Variants in PRKAR1B observed in about 807,000 individuals in gnomAD.
PRKAR1B encodes cAMP-dependent protein kinase type I-beta regulatory subunit.
In PRKAR1B, 22 loss-of-function variants were observed where a neutral mutation model predicts 46.5. The ratio of observed to expected loss-of-function variants is 0.47; its 90% CI spans 0.34 to 0.68. PRKAR1B has a LOEUF of 0.68. Ranked by LOEUF, PRKAR1B falls within the 30% of genes least tolerant of loss-of-function variation. The pLI, the probability that PRKAR1B is intolerant of heterozygous loss-of-function variation, is 0.01. For missense variants in PRKAR1B, 445 were observed against 535.6 expected (o/e 0.83, Z 1.67); for synonymous variants, 259 against 217.7 (o/e 1.19, Z -1.67).
chr7:672,367 G>C (rs1786307888), intron 4 of PRKAR1B, among the ~76,000 whole-genome samples: 1 of 151,700 alleles, frequency 6.6e-6, no homozygotes, highest in Admixed American at 6.6e-5. Context: ...GGCCAGGCTG[G>C]TCTTGAACTC....
At chr7:566,681 A>AT (rs1562523942) in intron 9 of PRKAR1B, among the ~76,000 whole-genome samples, 3 of 114,260 alleles carry the variant, frequency 2.6e-5, no homozygotes, top group South Asian at 3.1e-4. Flanking sequence ...CATCACCATC[A>AT]CCATCATCAC....
chr7:668,095 G>A (rs992488640), intron 4 of PRKAR1B, among the ~76,000 whole-genome samples: 11 of 152,172 alleles, frequency 7.2e-5, no homozygotes, highest in African/African-American at 2.7e-4. Context: ...CTTGTACGGA[G>A]GGGTCATTAG....
At chr7:588,537 ATGGTGGTGACGG>A (rs68050517) in intron 7 of PRKAR1B, among the ~76,000 whole-genome samples, 37,825 of 52,356 alleles carry the variant, frequency 0.72, 13,389 homozygotes, top group South Asian at 0.88. Context: ...GACGGTGGTG[ATGGTGGTGACGG>A]TGGTGATGGT....
chr7:713,634 C>T (rs117472036), intron 1 of PRKAR1B, among the ~76,000 whole-genome samples: 2,592 of 152,264 alleles, frequency 0.017, 40 homozygotes, highest in East Asian at 0.1. Flanking sequence ...CTCACCTGTA[C>T]ACACTCACCG....
chr7:592,898 C>T (rs939474354), intron 7 of PRKAR1B, among the ~76,000 whole-genome samples: 8 of 151,950 alleles, frequency 5.3e-5, no homozygotes, highest in African/African-American at 7.3e-5. Flanking sequence ...TAGTCAGGCG[C>T]GGTAGCACAC....
chr7:689,541 A>T (rs1387957030), intron 2 of PRKAR1B, among the ~76,000 whole-genome samples: 2 of 152,234 alleles, frequency 1.3e-5, no homozygotes, highest in African/African-American at 4.8e-5. Context: ...CCCAGGATAC[A>T]TTAAAATTGT....
intron 4 of PRKAR1B, among the ~76,000 whole-genome samples, chr7:617,071 G>A (rs1417369615): frequency 7.2e-6 from 1 of 138,092 alleles, no homozygotes; most frequent in Non-Finnish European, 1.5e-5. Flanking sequence ...CCAGCTCACT[G>A]CAACCTCCAC....
At chr7:622,739 A>C (rs1783177330) in intron 4 of PRKAR1B, among the ~76,000 whole-genome samples, 1 of 152,196 alleles carries the variant, frequency 6.6e-6, no homozygotes, top group Admixed American at 6.5e-5. Flanking sequence ...GACGGGAATG[A>C]TGAGTGAAGA....
Position 549,999 on chromosome 7 carries a change from TG to T in PRKAR1B, c.*430del. ...ATCTCCCCTGGGGGGCAGCCCCTTT[TG>T]ACACACTTGCCCACACTCAGACCTC... is the stretch of plus-strand genomic sequence containing the variant. On this transcript the variant is annotated 3_prime_UTR_variant, in exon 11 of 11. Coordinates refer to ENST00000537384, the MANE Select transcript of PRKAR1B (RefSeq NM_001164760.2). 1.2e-5 allele frequency: 2 copies of T among 169,876 alleles called. No homozygotes were observed. Among genetic ancestry groups the T allele is most frequent in the South Asian group, 1.4e-4 (1 of 7,090 alleles). The allele number at this position is 169,876 out of a possible 1,614,324, so 10.5% of individuals were successfully genotyped here.
At chr7:583,480 C>T (rs1319477489) in intron 8 of PRKAR1B, among the ~76,000 whole-genome samples, 3 of 119,036 alleles carry the variant, frequency 2.5e-5, no homozygotes, top group Non-Finnish European at 1.9e-5. Context: ...CTCACACCCA[C>T]GCACACACGT....
intron 7 of PRKAR1B, 67 bp downstream of exon 7, chr7:596,079 T>A: frequency 1.3e-6 from 2 of 1,564,886 alleles, no homozygotes; most frequent in South Asian, 2.3e-5. Context: ...TGAATAGAGC[T>A]AGGGTTCCCA....
At chr7:709,669 C>T (rs977787994) in intron 2 of PRKAR1B, among the ~76,000 whole-genome samples, 6 of 152,014 alleles carry the variant, frequency 3.9e-5, no homozygotes, top group African/African-American at 4.8e-5. Context: ...TGCACCCAGC[C>T]GTGTGTATGT....
At position 674,191 on chromosome 7, in the gene PRKAR1B, T is replaced by G. The variant is rs1786450280; in HGVS notation, c.440+3038A>C. Among the ~76,000 whole-genome samples, 6 of 151,858 alleles carry G rather than the reference T, an allele frequency of 4.0e-5. No individual in the cohort carries two copies. The South Asian group carries it at 1.2e-3, about 32-fold the overall frequency. Reference sequence around the variant, plus strand: ...GGCCTGGACACCTCCCAGGATGGAGTAGCCATGCCCAGCTACTCCAGCCAC... The same window carrying G: ...GGCCTGGACACCTCCCAGGATGGAGGAGCCATGCCCAGCTACTCCAGCCAC... On this transcript the variant is annotated intron_variant, in intron 4 of 10. Transcript: ENST00000537384.
chr7:565,725 GC>G (rs928692227), intron 9 of PRKAR1B: 2 of 152,232 alleles, frequency 1.3e-5, no homozygotes, highest in Admixed American at 6.5e-5. Context: ...CGTTTTCTGG[GC>G]CCCTGCGCAG....
chr7:594,705 C>G (rs1411666730), intron 7 of PRKAR1B, among the ~76,000 whole-genome samples: 1 of 151,658 alleles, frequency 6.6e-6, no homozygotes, highest in Non-Finnish European at 1.5e-5. Context: ...CATGAGGGGA[C>G]TCCCCAGACC....
At chr7:622,964 C>T (rs991264067) in intron 4 of PRKAR1B, among the ~76,000 whole-genome samples, 3 of 152,140 alleles carry the variant, frequency 2.0e-5, no homozygotes, top group African/African-American at 7.2e-5. Flanking sequence ...CGGATTTAAA[C>T]CTTAGGTCAA....
intron 8 of PRKAR1B, among the ~76,000 whole-genome samples, chr7:583,185 G>A (rs1183303277): frequency 1.3e-5 from 2 of 152,000 alleles, no homozygotes; most frequent in African/African-American, 4.8e-5. Context: ...GCGCTTCCGG[G>A]AAAGGTCAAA....
At chr7:589,106 G>T (rs1008988740) in intron 7 of PRKAR1B, among the ~76,000 whole-genome samples, 10 of 151,028 alleles carry the variant, frequency 6.6e-5, no homozygotes, top group African/African-American at 2.2e-4. Flanking sequence ...GTGCTGACGG[G>T]GAAAGTCAGG....
chr7:653,664 C>T (rs1314439813), intron 4 of PRKAR1B, among the ~76,000 whole-genome samples: 2 of 152,134 alleles, frequency 1.3e-5, no homozygotes, highest in Admixed American at 6.5e-5. Context: ...GATTCAATCC[C>T]CTCCCAAACC....
Sources: allele counts gnomAD v4.1 joint callset (sites outside exome capture counted in the v4.1 genomes callset), GRCh38; gene constraint gnomAD v4.1.1; transcripts MANE v1.5; gene names NCBI Gene and HGNC (gene_info 2026-07-23, HGNC 2026-07-21).